Variants in SEZ6L2 observed in about 807,000 individuals in gnomAD.
The protein encoded by SEZ6L2 is seizure 6-like protein 2.
Under a neutral mutation model 97.0 loss-of-function variants are expected in SEZ6L2, and 44 were observed. The observed-to-expected ratio is 0.45, with a 90% CI of 0.36 to 0.58. The LOEUF (loss-of-function observed/expected upper bound fraction) is 0.58. Ranked by LOEUF, SEZ6L2 falls within the 20% of genes least tolerant of loss-of-function variation. SEZ6L2 has a pLI of 0.00. For synonymous variants in SEZ6L2, 543 were observed against 546.1 expected (o/e 0.99, Z 0.08); for missense variants, 1,086 against 1,233.3 (o/e 0.88, Z 1.79).
intron 8 of SEZ6L2, among the ~76,000 whole-genome samples, chr16:29,885,075 G>A (rs1219209168): frequency 6.6e-6 from 1 of 151,972 alleles, no homozygotes; most frequent in Non-Finnish European, 1.5e-5. Flanking sequence ...GGGCGCGGTG[G>A]CGGGTGCCTG....
Position 29,874,051 on chromosome 16 carries a change from C to A in SEZ6L2, c.2105-322G>T, listed in dbSNP as rs373042150. Among the ~76,000 whole-genome samples, 125 of 152,280 alleles carry A rather than the reference C, an allele frequency of 8.2e-4. 2 individuals are homozygous for A. The South Asian group carries it at 0.025, about 30-fold the overall frequency. ...CTCAGGCTGTTTCCTCTGAACACCTCTGCACACACACGCACTTCCCACCAA... is the reference window on the plus strand; with the variant it reads ...CTCAGGCTGTTTCCTCTGAACACCTATGCACACACACGCACTTCCCACCAA... On this transcript the variant is annotated intron_variant, in intron 12 of 17. Transcript: ENST00000617533.
At chr16:29,878,812 A>C (rs182120568) in intron 9 of SEZ6L2, among the ~76,000 whole-genome samples, 21 of 116,284 alleles carry the variant, frequency 1.8e-4, no homozygotes, top group African/African-American at 6.8e-4. Flanking sequence ...TTACGGTGTT[A>C]GCCAGAATGG....
chr16:29,878,092 G>A (rs1212419143), intron 10 of SEZ6L2, among the ~76,000 whole-genome samples, 195 bp downstream of exon 10: 1 of 152,164 alleles, frequency 6.6e-6, no homozygotes, highest in East Asian at 1.9e-4. Context: ...TTATTTGTCC[G>A]AGGTTGCCTG....
chr16:29,882,117 C>T lies in SEZ6L2; in HGVS notation c.1373-2053G>A, dbSNP rs181174749. Among the ~76,000 whole-genome samples, 131 of 151,816 alleles carry T rather than the reference C, an allele frequency of 8.6e-4. 1 individual carries two copies. The Middle Eastern group carries it at 0.024, about 28-fold the overall frequency. On this transcript the variant is annotated intron_variant, in intron 8 of 17. Coordinates refer to ENST00000617533, the MANE Select transcript of SEZ6L2 (RefSeq NM_001243332.2). Reference sequence around the variant, plus strand: ...TCCTGAGTAGCTGGGATTACAGGCACGTACTACCACACCTGGCTAATTTCT... The same window carrying T: ...TCCTGAGTAGCTGGGATTACAGGCATGTACTACCACACCTGGCTAATTTCT...
At chr16:29,884,314 G>C (rs1366195989) in intron 8 of SEZ6L2, among the ~76,000 whole-genome samples, 1 of 152,142 alleles carries the variant, frequency 6.6e-6, no homozygotes, top group Non-Finnish European at 1.5e-5. Flanking sequence ...GGTATGGGCT[G>C]GAGGAGGTGG....
At chr16:29,872,094 T>C in intron 17 of SEZ6L2, 93 bp downstream of exon 17, 2 of 1,086,484 alleles carry the variant, frequency 1.8e-6, no homozygotes, top group South Asian at 1.6e-5. Flanking sequence ...AGTTTGAAAT[T>C]CCCAAGACAG....
In SEZ6L2 at chr16:29,899,118, T is replaced by C; in HGVS notation, c.-99A>G. 1 of 845,884 alleles carries C rather than the reference T, an allele frequency of 1.2e-6. No individual in the cohort carries two copies. Among genetic ancestry groups the C allele is most frequent in the Non-Finnish European group, 1.8e-6 (1 of 555,440 alleles). 52.4% of individuals were successfully genotyped at this position (845,884 alleles called of 1,614,324 possible). On this transcript the variant is annotated 5_prime_UTR_variant, in exon 1 of 18. Transcript: ENST00000617533. ...TATCTTTCCCTTTAATTGTTTTTTT[T>C]TTTTTTTTTTTTTTCCTCGTAGGAG...
intron 7 of SEZ6L2, 94 bp from the exon 8 acceptor site, chr16:29,885,843 T>C: frequency 8.0e-7 from 1 of 1,253,900 alleles, no homozygotes; most frequent in Non-Finnish European, 1.1e-6. Context: ...ATAGCTGTTA[T>C]CATCACACAT....
At chr16:29,887,962 C>A in intron 6 of SEZ6L2, 145 bp from the exon 7 acceptor site, 1 of 850,130 alleles carries the variant, frequency 1.2e-6, no homozygotes, top group Admixed American at 2.8e-5. Flanking sequence ...TGGAGTCACT[C>A]CAGAGGATGG....
At chr16:29,896,205 C>T (rs2068384742) in intron 3 of SEZ6L2, among the ~76,000 whole-genome samples, 1 of 152,202 alleles carries the variant, frequency 6.6e-6, no homozygotes, top group South Asian at 2.1e-4. Flanking sequence ...CTCAAGCGAT[C>T]CTCCTGCCTT....
chr16:29,871,674 GGTCCT>G lies in SEZ6L2; in HGVS notation c.*20_*24del. ...GAATGAGGAGGGGAGGGGCGTCCTG[GGTCCT>G]GCAGCTGTAGTCTTGGGGTTCAGAT... On this transcript the variant is annotated 3_prime_UTR_variant, in exon 18 of 18. Coordinates refer to ENST00000617533, the MANE Select transcript of SEZ6L2 (RefSeq NM_001243332.2). The G allele has an allele frequency of 6.2e-7, 1 of 1,604,892 alleles. No homozygotes were observed. The highest frequency in any genetic ancestry group is 1.1e-5 in the South Asian group (1 of 89,402).
chr16:29,898,114 G>A (rs1047192099), intron 1 of SEZ6L2, 130 bp from the exon 2 acceptor site: 21 of 1,342,460 alleles, frequency 1.6e-5, no homozygotes, highest in Middle Eastern at 1.9e-4. Flanking sequence ...TCCCAGGCTC[G>A]ACTGAGGGCC....
intron 7 of SEZ6L2, among the ~76,000 whole-genome samples, chr16:29,886,616 G>A (rs192733195): frequency 6.6e-6 from 1 of 151,618 alleles, no homozygotes; most frequent in East Asian, 1.9e-4. Flanking sequence ...GGGAGACAGA[G>A]GTTGTAGTGA....
chr16:29,891,082 C>T (rs2068262174), intron 5 of SEZ6L2, among the ~76,000 whole-genome samples: 2 of 152,038 alleles, frequency 1.3e-5, no homozygotes, highest in African/African-American at 2.4e-5. Context: ...GCTGGGATTA[C>T]AGGCATGTGC....
In SEZ6L2 at chr16:29,896,842, G is replaced by C; in HGVS notation, c.491C>G (p.Thr164Ser). Reference protein sequence around the residue: ...TTTIITTTTVTTTVTSPVLCN... With the variant: ...TTTIITTTTVSTTVTSPVLCN... ...CTCACCTGGGCTGGTCACCGTAGTG[G>C]TAACAGTTGTCGTGGTGATGATGGT... Residue 164 changes from threonine to serine, a missense_variant, in exon 3 of 18, where the codon ACC becomes AGC. Coordinates refer to ENST00000617533, the MANE Select transcript of SEZ6L2 (RefSeq NM_001243332.2). 1 of 1,614,080 alleles carries C rather than the reference G, an allele frequency of 6.2e-7. No individual in the cohort carries two copies. The highest frequency in any genetic ancestry group is 8.5e-7 in the Non-Finnish European group (1 of 1,179,986).
chr16:29,898,046 T>C, intron 1 of SEZ6L2, 62 bp from the exon 2 acceptor site: 2 of 1,602,076 alleles, frequency 1.2e-6, no homozygotes, highest in Non-Finnish European at 1.7e-6. Context: ...TCCAGAGAGA[T>C]ATTTTCTAGA....
intron 8 of SEZ6L2, among the ~76,000 whole-genome samples, chr16:29,883,717 A>G (rs2068074001): frequency 6.6e-6 from 1 of 152,078 alleles, no homozygotes; most frequent in African/African-American, 2.4e-5. Flanking sequence ...GGATCACTTC[A>G]GCTCAGTAGT....
In SEZ6L2 at chr16:29,878,147, C is replaced by A. The variant is rs1441179533; in HGVS notation, c.1712+140G>T. 3.8e-6 allele frequency: 4 copies of A among 1,061,252 alleles called. No homozygotes were observed. In the Admixed American group the frequency reaches 1.1e-4, roughly 28 times the overall value. The allele number at this position is 1,061,252 out of a possible 1,614,324, so 65.7% of individuals were successfully genotyped here. On this transcript the variant is annotated intron_variant, in intron 10 of 17. Transcript: ENST00000617533. ...CCAGCTCTCTCACGTCTATCCTGTA[C>A]CCTTAGTGCACCAGCCTATCCACCG...
rs758435998 is a variant in SEZ6L2 at position 29,877,310 on chromosome 16, T to G, written c.1870A>C (p.Asn624His). ...ACGAAGCCCTGGCCCAGGCCTGGATTTGGGGGCCCGGGCGGTGCCTGAAAC... is the reference window on the plus strand; with the variant it reads ...ACGAAGCCCTGGCCCAGGCCTGGATGTGGGGGCCCGGGCGGTGCCTGAAAC... ...LQFQAPPGPP[N>H]PGLGQGFVLH... The change falls in exon 11 of 18, where the codon AAT becomes CAT. Residue 624 changes from asparagine to histidine, a missense_variant. By Grantham distance (68) the Asn-to-His change is moderately conservative. Transcript: ENST00000617533. 6.2e-6 allele frequency: 10 copies of G among 1,609,802 alleles called. No homozygotes were observed. The highest frequency in any genetic ancestry group is 3.3e-4 in the Middle Eastern group (2 of 6,056).
Sources: gnomAD v4.1 joint callset for allele counts (sites outside exome capture counted in the v4.1 genomes callset) on GRCh38, gnomAD v4.1.1 for gene constraint, MANE v1.5 for transcripts, NCBI Gene and HGNC (gene_info 2026-07-23, HGNC 2026-07-21) for gene names.